CRACR2A: variants seen among roughly 807,000 people sequenced by gnomAD.
CRACR2A encodes EF-hand calcium-binding domain-containing protein 4B.
CRACR2A carries 79 observed loss-of-function variants against 90.5 expected under a neutral mutation model. The observed-to-expected ratio is 0.87, with a 90% confidence interval of 0.73 to 1.05. The LOEUF is 1.05. CRACR2A is among the 50% of genes least tolerant of loss of function. The pLI is 0.00. For synonymous variants in CRACR2A, 338 were observed against 356.7 expected, an observed-to-expected ratio of 0.95 and a Z score of 0.59; for missense variants, 823 against 897.2, an observed-to-expected ratio of 0.92 and a Z score of 1.06.
At chr12:3,648,056 G>A (rs1294325543) in intron 11 of CRACR2A, 11 of 991,116 alleles carry the variant, frequency 1.1e-5, no homozygotes, top group Non-Finnish European at 1.3e-5. Context: ...GAACACAGCC[G>A]AGTTACGGAT....
At chr12:3,628,037 C>A in intron 15 of CRACR2A, among the ~76,000 whole-genome samples, 1 of 139,494 alleles carries the variant, frequency 7.2e-6, no homozygotes, top group Non-Finnish European at 1.6e-5. Flanking sequence ...TTCCCTCCCT[C>A]TCTCCTTCCC....
intron 7 of CRACR2A, among the ~76,000 whole-genome samples, chr12:3,665,797 T>G (rs1945123640): frequency 6.6e-6 from 1 of 152,204 alleles, no homozygotes; most frequent in African/African-American, 2.4e-5. Context: ...AGACTAAATG[T>G]GGAGAGAGAA....
intron 9 of CRACR2A, among the ~76,000 whole-genome samples, chr12:3,655,056 T>A (rs1465177153): frequency 6.6e-6 from 1 of 152,206 alleles, no homozygotes; most frequent in African/African-American, 2.4e-5. Context: ...TTGCAGAGCT[T>A]CCAATCCTCT....
At chr12:3,638,569 A>G (rs956231470) in intron 13 of CRACR2A, 115 bp from the exon 14 acceptor site, 1 of 1,230,600 alleles carries the variant, frequency 8.1e-7, no homozygotes, top group Non-Finnish European at 1.1e-6. Context: ...ACCTTTGGAC[A>G]AGAGCAGTCC....
intron 8 of CRACR2A, among the ~76,000 whole-genome samples, chr12:3,658,237 C>G (rs1944953586): frequency 6.6e-6 from 1 of 152,172 alleles, no homozygotes; most frequent in Admixed American, 6.5e-5. Flanking sequence ...CCTGGCCCAG[C>G]ATTTACTTCC....
At chr12:3,716,925 T>C (rs1165424545) in intron 2 of CRACR2A, among the ~76,000 whole-genome samples, 1 of 113,660 alleles carries the variant, frequency 8.8e-6, no homozygotes, top group African/African-American at 3.1e-5. Context: ...AATTCTTGTA[T>C]TTTTTTTAAT....
chr12:3,709,934 TTGTTATTA>T (rs1945983659), intron 3 of CRACR2A, among the ~76,000 whole-genome samples: 1 of 152,266 alleles, frequency 6.6e-6, no homozygotes, highest in Admixed American at 6.5e-5. Context: ...TGGTAGCTGA[TTGTTATTA>T]TTATCATTCC....
At position 3,628,160 on chromosome 12, in the gene CRACR2A, ACT is replaced by A. The variant is rs1327144032; in HGVS notation, c.1736-456_1736-455del. Among the ~76,000 whole-genome samples the A allele has an allele frequency of 1.3e-4, 15 of 115,490 alleles. No homozygotes were observed. In the East Asian group the frequency reaches 2.1e-3, roughly 16 times the overall value. 75.8% of individuals were successfully genotyped at this position (115,490 alleles called of 152,430 possible). On this transcript the variant is annotated intron_variant, in intron 15 of 19. Transcript: ENST00000440314. Reference sequence around the variant, plus strand: ...ACCCTTCCTCCCTCCCTCTCCCCCAACTCTCTCTTTCTTTCTCTCTTTCTTTC... The same window carrying A: ...ACCCTTCCTCCCTCCCTCTCCCCCAACTCTCTTTCTTTCTCTCTTTCTTTC...
intron 2 of CRACR2A, chr12:3,727,374 T>C (rs1946288417): frequency 6.6e-6 from 1 of 152,174 alleles, no homozygotes; most frequent in South Asian, 2.1e-4. Context: ...GTGATAAGAA[T>C]ATTATTTTTA....
intron 4 of CRACR2A, among the ~76,000 whole-genome samples, chr12:3,684,379 C>T (rs916594594): frequency 6.6e-6 from 1 of 152,112 alleles, no homozygotes; most frequent in Admixed American, 6.5e-5. Context: ...GTGGTATAGG[C>T]CACAGTTTCT....
At chr12:3,728,856 G>A (rs1435497274) in intron 2 of CRACR2A, 1 of 152,214 alleles carries the variant, frequency 6.6e-6, no homozygotes, top group Non-Finnish European at 1.5e-5. Context: ...GCAGAAGGAT[G>A]GCTCAATACC....
At chr12:3,714,723 G>A (rs1162355408) in intron 2 of CRACR2A, among the ~76,000 whole-genome samples, 6 of 152,174 alleles carry the variant, frequency 3.9e-5, no homozygotes, top group Admixed American at 3.3e-4. Context: ...ATTTTTTAAT[G>A]AGAAGATTGG....
intron 7 of CRACR2A, among the ~76,000 whole-genome samples, chr12:3,662,813 A>C (rs1945062306): frequency 2.6e-5 from 4 of 152,250 alleles, no homozygotes; most frequent in Admixed American, 2.6e-4. Flanking sequence ...AGACACTAAA[A>C]AGATGTGCAC....
intron 18 of CRACR2A, among the ~76,000 whole-genome samples, chr12:3,617,954 C>T (rs1475355833): frequency 6.6e-6 from 1 of 152,178 alleles, no homozygotes; most frequent in Non-Finnish European, 1.5e-5. Flanking sequence ...TTCTCCTTGT[C>T]TGCATTTCTC....
chr12:3,665,652 T>C (rs932251937), intron 7 of CRACR2A, among the ~76,000 whole-genome samples: 1 of 152,090 alleles, frequency 6.6e-6, no homozygotes, highest in Non-Finnish European at 1.5e-5. Context: ...CAGCCAAGGG[T>C]CAAGTAGAAA....
intron 3 of CRACR2A, among the ~76,000 whole-genome samples, chr12:3,705,797 T>C (rs1242292554): frequency 1.3e-5 from 2 of 152,198 alleles, no homozygotes; most frequent in Admixed American, 6.5e-5. Context: ...AATGTCGGAA[T>C]TGAATTGACT....
intron 1 of CRACR2A, among the ~76,000 whole-genome samples, chr12:3,750,841 G>A (rs749011710): frequency 6.6e-6 from 1 of 152,156 alleles, no homozygotes; most frequent in Non-Finnish European, 1.5e-5. Flanking sequence ...GGAGCCCCAA[G>A]GCAGAATGGA....
intron 7 of CRACR2A, among the ~76,000 whole-genome samples, chr12:3,669,638 CTG>C (rs1200421118): frequency 2.6e-5 from 4 of 152,204 alleles, no homozygotes; most frequent in African/African-American, 9.7e-5. Context: ...AGTGAGGACT[CTG>C]GGTTGTTTCT....
At chr12:3,664,372 T>G (rs1336046214) in intron 7 of CRACR2A, among the ~76,000 whole-genome samples, 1 of 152,214 alleles carries the variant, frequency 6.6e-6, no homozygotes. Flanking sequence ...TTTATATCCT[T>G]CTTGTACTTT....
Sources: allele counts gnomAD v4.1 joint callset (sites outside exome capture counted in the v4.1 genomes callset), GRCh38; gene constraint gnomAD v4.1.1; transcripts MANE v1.5; gene names NCBI Gene and HGNC (gene_info 2026-07-23, HGNC 2026-07-21).